Variants in UNC13C observed in about 807,000 individuals in gnomAD.
UNC13C encodes the protein protein unc-13 homolog C.
In UNC13C, 174 loss-of-function variants were observed where a neutral mutation model predicts 245.4. The observed-to-expected ratio is 0.71, with a 90% CI of 0.63 to 0.80. The LOEUF (loss-of-function observed/expected upper bound fraction) is 0.80. UNC13C is among the 30% of genes least tolerant of loss of function. The pLI is 0.00. For synonymous variants in UNC13C, 992 were observed against 895.1 expected (o/e 1.11, Z -1.93); for missense variants, 2,829 against 2,602.9 (o/e 1.09, Z -1.89).
chr15:54,118,927 T>C (rs1463603547), intron 2 of UNC13C, among the ~76,000 whole-genome samples: 2 of 151,568 alleles, frequency 1.3e-5, no homozygotes, highest in East Asian at 3.9e-4. Flanking sequence ...GTTCTGTTAA[T>C]GTGATGTATC....
At chr15:54,475,155 G>T (rs147098199) in intron 19 of UNC13C, among the ~76,000 whole-genome samples, 1 of 151,864 alleles carries the variant, frequency 6.6e-6, no homozygotes, top group East Asian at 1.9e-4. Context: ...TGAGGTCTTA[G>T]CCATAAAATA....
intron 19 of UNC13C, among the ~76,000 whole-genome samples, chr15:54,442,927 C>T (rs1185808299): frequency 2.0e-5 from 3 of 152,042 alleles, no homozygotes; most frequent in South Asian, 2.1e-4. Flanking sequence ...ATTCTGGCCC[C>T]ATAGAATTCA....
intron 1 of UNC13C, among the ~76,000 whole-genome samples, chr15:53,996,832 G>T (rs1359776835): frequency 4.1e-4 from 59 of 143,586 alleles, no homozygotes; most frequent in Non-Finnish European, 6.9e-4. Flanking sequence ...CTCCTGATGG[G>T]TTTTTTTTTT....
chr15:53,952,626 T>C, the UNC13C span, among the ~76,000 whole-genome samples: 1 of 152,200 alleles, frequency 6.6e-6, no homozygotes, highest in East Asian at 1.9e-4. Flanking sequence ...GCGTGGGCTG[T>C]GATCTGGGCA....
intron 7 of UNC13C, among the ~76,000 whole-genome samples, chr15:54,248,656 C>G (rs917577943): frequency 7.2e-5 from 11 of 151,962 alleles, no homozygotes; most frequent in African/African-American, 2.7e-4. Context: ...CTGAATAAAC[C>G]CTAATATTAG....
the UNC13C span, among the ~76,000 whole-genome samples, chr15:53,924,758 T>C: frequency 6.6e-6 from 1 of 152,202 alleles, no homozygotes; most frequent in African/African-American, 2.4e-5. Context: ...TTGACTAAAA[T>C]CAAAGACTTT....
intron 4 of UNC13C, among the ~76,000 whole-genome samples, chr15:54,154,643 A>C (rs1423098384): frequency 5.9e-5 from 9 of 152,180 alleles, no homozygotes; most frequent in African/African-American, 2.2e-4. Flanking sequence ...TAAGCATGCA[A>C]CATATAGATA....
intron 22 of UNC13C, among the ~76,000 whole-genome samples, chr15:54,504,088 G>A (rs994624503): frequency 6.6e-6 from 1 of 152,134 alleles, no homozygotes; most frequent in Non-Finnish European, 1.5e-5. Context: ...ATGGGCACAT[G>A]AGTAGTTAAT....
chr15:53,875,872 T>C, the UNC13C span, among the ~76,000 whole-genome samples: 13 of 152,220 alleles, frequency 8.5e-5, no homozygotes, highest in African/African-American at 3.1e-4. Context: ...TGGCAGACAC[T>C]GCAAGAAGAG....
intron 20 of UNC13C, among the ~76,000 whole-genome samples, chr15:54,497,707 G>T (rs1056387310): frequency 5.3e-5 from 8 of 152,090 alleles, no homozygotes; most frequent in African/African-American, 1.9e-4. Context: ...CTCTCCTTCT[G>T]TTGCAGCAGT....
chr15:54,512,757 A>G (rs527623114), intron 24 of UNC13C, among the ~76,000 whole-genome samples: 321 of 152,278 alleles, frequency 2.1e-3, no homozygotes, highest in Non-Finnish European at 3.6e-3. Flanking sequence ...GCGTAATGCT[A>G]GGATGCATTT....
intron 2 of UNC13C, among the ~76,000 whole-genome samples, chr15:54,041,976 G>A (rs1028246714): frequency 4.6e-5 from 7 of 152,142 alleles, no homozygotes; most frequent in Admixed American, 3.3e-4. Flanking sequence ...TCTCAACTTA[G>A]CATGATGGTG....
chr15:54,083,533 G>A (rs1486363827), intron 2 of UNC13C, among the ~76,000 whole-genome samples: 1 of 152,214 alleles, frequency 6.6e-6, no homozygotes, highest in Non-Finnish European at 1.5e-5. Context: ...CCCCAGTGGG[G>A]AGAACCTCTG....
At chr15:54,090,002 C>T (rs1040740121) in intron 2 of UNC13C, among the ~76,000 whole-genome samples, 4 of 151,942 alleles carry the variant, frequency 2.6e-5, no homozygotes, top group African/African-American at 9.7e-5. Context: ...CTGGGAAGGA[C>T]TCTGGCACAA....
At chr15:54,173,743 A>C (rs757283761) in intron 4 of UNC13C, among the ~76,000 whole-genome samples, 8 of 152,074 alleles carry the variant, frequency 5.3e-5, no homozygotes, top group Middle Eastern at 3.2e-3. Context: ...CTCTCCAGTA[A>C]AGTGATAAAT....
At chr15:53,905,479 T>A in the UNC13C span, among the ~76,000 whole-genome samples, 2 of 149,938 alleles carry the variant, frequency 1.3e-5, no homozygotes, top group Non-Finnish European at 3.0e-5. Context: ...TGAACATGAA[T>A]GAACCTGGAA....
At chr15:54,044,717 A>G (rs1286023299) in intron 2 of UNC13C, among the ~76,000 whole-genome samples, 2 of 152,216 alleles carry the variant, frequency 1.3e-5, no homozygotes, top group African/African-American at 4.8e-5. Context: ...GGTTTACAAC[A>G]TGATGTTATC....
the UNC13C span, among the ~76,000 whole-genome samples, chr15:53,864,692 G>A: frequency 7.2e-5 from 11 of 152,078 alleles, no homozygotes; most frequent in Admixed American, 3.9e-4. Flanking sequence ...TTGCAGAATC[G>A]TAGATACAGA....
At chr15:53,982,037 A>T (rs1893947725) in intron 1 of UNC13C, among the ~76,000 whole-genome samples, 1 of 152,158 alleles carries the variant, frequency 6.6e-6, no homozygotes. Context: ...TAAATGCTAG[A>T]TAGAAAGATA....
Sources: gnomAD v4.1 joint callset for allele counts (sites outside exome capture counted in the v4.1 genomes callset) on GRCh38, gnomAD v4.1.1 for gene constraint, MANE v1.5 for transcripts, NCBI Gene and HGNC (gene_info 2026-07-23, HGNC 2026-07-21) for gene names.